The following KIF26B variants were observed in gnomAD, a reference collection of about 807,000 sequenced individuals.
KIF26B encodes the protein kinesin-like protein KIF26B.
A neutral mutation model predicts 151.2 loss-of-function variants in KIF26B; 63 were observed. The observed-to-expected ratio is 0.42, with a 90% CI of 0.34 to 0.51. The LOEUF (loss-of-function observed/expected upper bound fraction) is 0.51, where lower values mean the gene tolerates loss of function less well. KIF26B is among the 20% of genes least tolerant of loss of function. The pLI is 0.07. For synonymous variants in KIF26B, 1,357 were observed against 1,262.1 expected (o/e 1.08, Z -1.59); for missense variants, 2,813 against 2,913.6 (o/e 0.97, Z 0.79).
At chr1:245,661,510 T>C (rs1304673309) in intron 10 of KIF26B, among the ~76,000 whole-genome samples, 2 of 151,670 alleles carry the variant, frequency 1.3e-5, no homozygotes, top group Admixed American at 6.6e-5. Flanking sequence ...ATATACACCA[T>C]ATATATTATA....
intron 4 of KIF26B, among the ~76,000 whole-genome samples, chr1:245,462,353 G>A (rs575295332): frequency 6.6e-6 from 1 of 152,158 alleles, no homozygotes; most frequent in African/African-American, 2.4e-5. Flanking sequence ...ATATGCACGC[G>A]TAGTGTTTGC....
chr1:245,657,169 C>T (rs2044084081), intron 10 of KIF26B, among the ~76,000 whole-genome samples: 1 of 152,186 alleles, frequency 6.6e-6, no homozygotes, highest in African/African-American at 2.4e-5. Flanking sequence ...TTGGCAGCCT[C>T]CCATTTATAA....
At chr1:245,337,853 TA>T (rs1672266571) in intron 2 of KIF26B, among the ~76,000 whole-genome samples, 2 of 152,184 alleles carry the variant, frequency 1.3e-5, no homozygotes, top group Non-Finnish European at 2.9e-5. Context: ...TGTGTTTCTT[TA>T]AAAGAAACTT....
chr1:245,590,041 G>C (rs570204645), intron 5 of KIF26B, among the ~76,000 whole-genome samples: 3 of 152,068 alleles, frequency 2.0e-5, no homozygotes, highest in East Asian at 1.9e-4. Context: ...GCTATTTAAC[G>C]ACAGTCGTAA....
chr1:245,418,513 A>G (rs970175512), intron 3 of KIF26B, among the ~76,000 whole-genome samples: 1 of 152,336 alleles, frequency 6.6e-6, no homozygotes, highest in East Asian at 1.9e-4. Context: ...AAGGTTCACA[A>G]ATGGGCTACT....
intron 4 of KIF26B, among the ~76,000 whole-genome samples, chr1:245,440,291 T>C (rs1659046176): frequency 6.6e-6 from 1 of 150,924 alleles, no homozygotes; most frequent in Non-Finnish European, 1.5e-5. Context: ...GGTGAGCGGG[T>C]AGAGACTCCC....
chr1:245,635,396 TAC>T (rs2043824213), intron 9 of KIF26B, among the ~76,000 whole-genome samples: 1 of 152,142 alleles, frequency 6.6e-6, no homozygotes, highest in South Asian at 2.1e-4. Context: ...TTTCCATTCT[TAC>T]ACATTGTTTA....
chr1:245,498,321 T>G (rs112975070), intron 4 of KIF26B, among the ~76,000 whole-genome samples: 66 of 152,264 alleles, frequency 4.3e-4, no homozygotes, highest in African/African-American at 1.5e-3. Flanking sequence ...GGATGTGAAG[T>G]TTATCAGTCT....
intron 2 of KIF26B, among the ~76,000 whole-genome samples, chr1:245,305,005 G>C (rs1219941944): frequency 6.6e-6 from 1 of 152,086 alleles, no homozygotes. Context: ...CAGAAGTGTG[G>C]GTATAGTGGA....
intron 3 of KIF26B, among the ~76,000 whole-genome samples, chr1:245,408,349 CTTTTTTT>C (rs58724712): frequency 5.5e-4 from 62 of 113,314 alleles, no homozygotes; most frequent in East Asian, 4.6e-3. Flanking sequence ...TTAAATGATT[CTTTTTTT>C]TTTTTTTTTT....
chr1:245,397,781 A>G (rs964119655), intron 3 of KIF26B, among the ~76,000 whole-genome samples: 13 of 152,224 alleles, frequency 8.5e-5, no homozygotes, highest in Admixed American at 6.5e-4. Context: ...TGGAAGAGAC[A>G]GCGGACATGA....
chr1:245,195,317 G>C (rs6671796), intron 2 of KIF26B, among the ~76,000 whole-genome samples: 3 of 152,052 alleles, frequency 2.0e-5, no homozygotes. Context: ...TTGGGGAGTC[G>C]TAGTCTTTCT....
chr1:245,473,401 T>C (rs1056096374), intron 4 of KIF26B, among the ~76,000 whole-genome samples: 1 of 152,256 alleles, frequency 6.6e-6, no homozygotes, highest in Non-Finnish European at 1.5e-5. Context: ...TTACAACCGA[T>C]GCCTGTCATT....
In KIF26B at chr1:245,686,607, C is replaced by T. The variant is rs2147955166; in HGVS notation, c.3624C>T (p.Thr1208=). Residue 1208 remains threonine (T), a synonymous_variant, in exon 12 of 15, where the codon ACC becomes ACT. Transcript: ENST00000407071. This position sits in a 1 kb window ranked among gnomAD's most constrained non-coding sequence, Gnocchi z 5.6. ...ISGVLDSGRP[T]SIISFNSDCS... ...GGGTCCTGGACAGCGGCCGCCCCAC[C>T]AGCATCATCAGCTTCAACAGCGACT... 6.2e-7 allele frequency: 1 copy of T among 1,611,396 alleles called. No homozygotes were observed. Among genetic ancestry groups the T allele is most frequent in the Non-Finnish European group, 8.5e-7 (1 of 1,179,172 alleles).
At chr1:245,547,284 C>T (rs1459333661) in intron 5 of KIF26B, among the ~76,000 whole-genome samples, 2 of 152,064 alleles carry the variant, frequency 1.3e-5, no homozygotes, top group Non-Finnish European at 2.9e-5. Context: ...ATCCCAAGGA[C>T]GTGTATAAAG....
intron 4 of KIF26B, among the ~76,000 whole-genome samples, chr1:245,482,835 A>G (rs753466820): frequency 1.2e-4 from 18 of 151,818 alleles, no homozygotes; most frequent in Non-Finnish European, 2.4e-4. Flanking sequence ...CAGTTGTAAG[A>G]AGCCAGTGGA....
At chr1:245,262,352 T>A (rs112192298) in intron 2 of KIF26B, among the ~76,000 whole-genome samples, 1 of 152,208 alleles carries the variant, frequency 6.6e-6, no homozygotes, top group Non-Finnish European at 1.5e-5. Flanking sequence ...TTGGAAGACA[T>A]GGGGCGGGTC....
chr1:245,172,220 G>GC (rs1668724739), intron 2 of KIF26B, among the ~76,000 whole-genome samples: 2 of 152,130 alleles, frequency 1.3e-5, no homozygotes, highest in African/African-American at 4.8e-5. Context: ...GTCTGGTGGG[G>GC]GGGGTGGGTA....
chr1:245,371,780 A>G (rs1673134574), intron 3 of KIF26B: 1 of 151,990 alleles, frequency 6.6e-6, no homozygotes, highest in African/African-American at 2.4e-5. Flanking sequence ...AAGACCAGGA[A>G]CCTGTAAGCA....
Sources: allele counts gnomAD v4.1 joint callset (sites outside exome capture counted in the v4.1 genomes callset), GRCh38; gene constraint gnomAD v4.1.1; non-coding constraint Gnocchi (gnomAD v3.1); transcripts MANE v1.5; gene names NCBI Gene and HGNC (gene_info 2026-07-23, HGNC 2026-07-21).